Variants in B3GALT1 observed in about 807,000 individuals in gnomAD.
The protein encoded by B3GALT1 is beta-1,3-galactosyltransferase 1.
A neutral mutation model predicts 23.2 loss-of-function variants in B3GALT1; 10 were observed. That is an observed-to-expected ratio of 0.43 (90% CI 0.27 to 0.73). The LOEUF (loss-of-function observed/expected upper bound fraction) is 0.73. Among genes scored for constraint, B3GALT1 ranks in the 30% least tolerant of loss-of-function variants. The pLI, the probability that B3GALT1 is intolerant of heterozygous loss-of-function variation, is 0.21. For synonymous variants in B3GALT1, 156 were observed against 141.5 expected (o/e 1.10, Z -0.73); for missense variants, 299 against 405.4 (o/e 0.74, Z 2.25).
intron 3 of B3GALT1, among the ~76,000 whole-genome samples, chr2:167,807,093 T>G (rs2105347328): frequency 6.6e-6 from 1 of 152,192 alleles, no homozygotes; most frequent in East Asian, 1.9e-4. Context: ...TTTTCTAGTT[T>G]ATTTGCGTAG....
At chr2:167,378,957 ATTC>A (rs1447708955) in intron 1 of B3GALT1, among the ~76,000 whole-genome samples, 1 of 152,122 alleles carries the variant, frequency 6.6e-6, no homozygotes, top group Non-Finnish European at 1.5e-5. Flanking sequence ...ACTTCTAATT[ATTC>A]TTATTATTTT....
intron 4 of B3GALT1, among the ~76,000 whole-genome samples, chr2:167,842,396 T>C (rs1689668604): frequency 6.6e-6 from 1 of 152,214 alleles, no homozygotes; most frequent in Admixed American, 6.5e-5. Flanking sequence ...CATTATTTCA[T>C]CAGTTTCTGT....
intron 2 of B3GALT1, among the ~76,000 whole-genome samples, chr2:167,587,691 T>TA (rs1377322772): frequency 6.6e-6 from 1 of 152,238 alleles, no homozygotes; most frequent in Non-Finnish European, 1.5e-5. Flanking sequence ...TCTCCTTGAA[T>TA]ACTGAGTTTG....
chr2:167,714,008 G>A, intron 3 of B3GALT1: 1 of 1,546,256 alleles, frequency 6.5e-7, no homozygotes, highest in Non-Finnish European at 8.9e-7. Flanking sequence ...GCCGGGGCCA[G>A]TTGCTTCATT....
intron 1 of B3GALT1, among the ~76,000 whole-genome samples, chr2:167,450,223 A>AT (rs61648126): frequency 6.6e-6 from 1 of 150,484 alleles, no homozygotes; most frequent in Non-Finnish European, 1.5e-5. Context: ...GTCCTGGAAT[A>AT]TTTTTTTTTT....
chr2:167,315,224 A>G (rs1344776030), intron 1 of B3GALT1, among the ~76,000 whole-genome samples: 1 of 152,168 alleles, frequency 6.6e-6, no homozygotes, highest in African/African-American at 2.4e-5. Flanking sequence ...TCCCTGTTTA[A>G]TATTGTGGTA....
chr2:167,738,346 A>G (rs907283744), intron 3 of B3GALT1, among the ~76,000 whole-genome samples: 1 of 152,204 alleles, frequency 6.6e-6, no homozygotes, highest in African/African-American at 2.4e-5. Context: ...GGAGTGGGCC[A>G]AGGAGTGGAA....
intron 1 of B3GALT1, among the ~76,000 whole-genome samples, chr2:167,397,111 G>T (rs1366312044): frequency 6.6e-6 from 1 of 152,052 alleles, no homozygotes; most frequent in Non-Finnish European, 1.5e-5. Context: ...GGCTTTCAGA[G>T]AAAGATTTAT....
At chr2:167,448,512 C>T (rs935123315) in intron 1 of B3GALT1, among the ~76,000 whole-genome samples, 6 of 151,890 alleles carry the variant, frequency 4.0e-5, no homozygotes, top group African/African-American at 9.7e-5. Context: ...TCTGGATACC[C>T]GTCCTTTGTC....
intron 2 of B3GALT1, among the ~76,000 whole-genome samples, chr2:167,509,437 T>C (rs535293359): frequency 2.0e-5 from 3 of 151,634 alleles, no homozygotes; most frequent in Non-Finnish European, 4.4e-5. Context: ...TATACATATG[T>C]GTGTGTGTGT....
At chr2:167,443,916 T>C (rs1698938112) in intron 1 of B3GALT1, among the ~76,000 whole-genome samples, 1 of 152,018 alleles carries the variant, frequency 6.6e-6, no homozygotes, top group South Asian at 2.1e-4. Flanking sequence ...TGAATAGGAG[T>C]GGTGAGAGAG....
intron 3 of B3GALT1, among the ~76,000 whole-genome samples, chr2:167,700,794 G>A (rs545704660): frequency 2.2e-4 from 34 of 152,266 alleles, no homozygotes; most frequent in African/African-American, 8.2e-4. Flanking sequence ...GGCTCAATCA[G>A]ATAGCAAGCC....
chr2:167,612,513 T>C (rs13409267), intron 2 of B3GALT1, among the ~76,000 whole-genome samples: 78 of 151,930 alleles, frequency 5.1e-4, no homozygotes, highest in African/African-American at 1.7e-3. Flanking sequence ...TAATTCCCTT[T>C]AAAACATTGA....
chr2:167,843,908 T>C (rs1025985480), intron 4 of B3GALT1, among the ~76,000 whole-genome samples: 1 of 152,188 alleles, frequency 6.6e-6, no homozygotes, highest in Non-Finnish European at 1.5e-5. Context: ...ACACCAAAAC[T>C]GAGGCATGTG....
intron 1 of B3GALT1, among the ~76,000 whole-genome samples, chr2:167,319,528 G>C (rs1336363942): frequency 2.0e-5 from 3 of 152,156 alleles, no homozygotes; most frequent in Middle Eastern, 6.8e-3. Context: ...AAATAGAACA[G>C]TGTAAAGAAA....
chr2:167,612,287 G>T lies in B3GALT1; in HGVS notation c.-409-34622G>T, dbSNP rs116306786. Among the ~76,000 whole-genome samples, 1,398 of 151,890 alleles carry T rather than the reference G, an allele frequency of 9.2e-3. 15 individuals carry two copies. Among genetic ancestry groups the T allele is most frequent in the South Asian group, 0.034 (162 of 4,818 alleles). On this transcript the variant is annotated intron_variant, in intron 2 of 4. Coordinates refer to ENST00000392690, the MANE Select transcript of B3GALT1 (RefSeq NM_020981.4). Reference sequence around the variant, plus strand: ...ATTTCTCTCTTGTGATAGTATGTTTGCAGTAAATGAGACATTAACCTTTTT... The same window carrying T: ...ATTTCTCTCTTGTGATAGTATGTTTTCAGTAAATGAGACATTAACCTTTTT...
intron 4 of B3GALT1, among the ~76,000 whole-genome samples, chr2:167,850,929 G>A (rs1003255053): frequency 1.3e-5 from 2 of 151,902 alleles, no homozygotes; most frequent in Non-Finnish European, 2.9e-5. Flanking sequence ...ACTTTCTCCT[G>A]TATCCAAATA....
At chr2:167,492,680 T>C (rs1699727489) in intron 2 of B3GALT1, among the ~76,000 whole-genome samples, 1 of 152,204 alleles carries the variant, frequency 6.6e-6, no homozygotes, top group African/African-American at 2.4e-5. Flanking sequence ...CTAATAAGTA[T>C]GTTGTGGTTT....
chr2:167,318,709 G>C (rs530492781), intron 1 of B3GALT1, among the ~76,000 whole-genome samples: 10 of 152,102 alleles, frequency 6.6e-5, no homozygotes, highest in Non-Finnish European at 1.5e-4. Flanking sequence ...CTAAGGAGAG[G>C]AAAGAAATTT....
Sources: gnomAD v4.1 joint callset for allele counts (sites outside exome capture counted in the v4.1 genomes callset) on GRCh38, gnomAD v4.1.1 for gene constraint, MANE v1.5 for transcripts, NCBI Gene and HGNC (gene_info 2026-07-23, HGNC 2026-07-21) for gene names.